The following SLCO4A1 variants were observed in gnomAD, a reference collection of about 807,000 sequenced individuals.
The protein encoded by SLCO4A1 is solute carrier organic anion transporter family member 4A1.
Under a neutral mutation model 64.6 loss-of-function variants are expected in SLCO4A1, and 51 were observed. That is an observed-to-expected ratio of 0.79 (90% CI 0.63 to 1.00). SLCO4A1 has a LOEUF of 1.00. SLCO4A1 is among the 50% of genes least tolerant of loss of function. The probability of loss-of-function intolerance (pLI) is 0.00; values close to 1 mark genes in which losing one functional copy is unlikely to be tolerated. For missense variants in SLCO4A1, 919 were observed against 980.5 expected (o/e 0.94, Z 0.84); for synonymous variants, 471 against 444.9 (o/e 1.06, Z -0.74).
At position 62,657,069 on chromosome 20, in the gene SLCO4A1, C is replaced by T. The variant is rs777425910; in HGVS notation, c.615C>T (p.Val205=). ...GRYEVELDAG[V]RTCPANPGAV... ...ATGAGGTGGAGTTGGACGCGGGTGT[C>T]AGGACGTGCCCTGCCAACCCCGGCG... is the stretch of plus-strand genomic sequence containing the variant. Residue 205 remains valine (V), a synonymous_variant, in exon 2 of 12, where the codon GTC becomes GTT. Transcript: ENST00000217159. 1.9e-6 allele frequency: 3 copies of T among 1,600,508 alleles called. No individual in the cohort carries two copies. The highest frequency in any genetic ancestry group is 2.6e-6 in the Non-Finnish European group (3 of 1,173,296).
chr20:62,668,498 A>T lies in SLCO4A1; in HGVS notation c.1833A>T (p.Arg611Ser). Residue 611 changes from arginine to serine, a missense_variant, in exon 10 of 12, where the codon AGA (arginine) becomes AGT (serine). Coordinates refer to ENST00000217159, the MANE Select transcript of SLCO4A1 (RefSeq NM_016354.4). ...GCAGATGTGTCCGTGACCCTCAGAGATCCTTTGCCCTGGGAATCCAGTGGA... is the reference window on the plus strand; with the variant it reads ...GCAGATGTGTCCGTGACCCTCAGAGTTCCTTTGCCCTGGGAATCCAGTGGA... ...ATLRCVRDPQRSFALGIQWIV... is the reference protein window; with the variant it reads ...ATLRCVRDPQSSFALGIQWIV... 6.2e-7 allele frequency: 1 copy of T among 1,613,854 alleles called. No homozygotes were observed. The highest frequency in any genetic ancestry group is 2.2e-5 in the East Asian group (1 of 44,866).
downstream of SLCO4A1, among the ~76,000 whole-genome samples, chr20:62,687,724 C>T (rs1035586859): frequency 2.0e-5 from 3 of 152,168 alleles, no homozygotes; most frequent in African/African-American, 4.8e-5. Flanking sequence ...CTCCTGGACA[C>T]GGAAGGACGA....
At chr20:62,689,160 G>A (rs942080766), downstream of SLCO4A1, among the ~76,000 whole-genome samples, 2 of 152,044 alleles carry the variant, frequency 1.3e-5, no homozygotes, top group Non-Finnish European at 2.9e-5. Flanking sequence ...GCTGTGCCCC[G>A]CGCCTCGTAG....
intron 3 of SLCO4A1, among the ~76,000 whole-genome samples, chr20:62,659,405 C>T (rs910443992): frequency 2.6e-5 from 4 of 152,186 alleles, no homozygotes; most frequent in Non-Finnish European, 5.9e-5. Flanking sequence ...GCCTGGGCAC[C>T]GCTGCACCTT....
chr20:62,662,183 A>G (rs934922598), intron 5 of SLCO4A1, among the ~76,000 whole-genome samples: 1 of 152,142 alleles, frequency 6.6e-6, no homozygotes, highest in South Asian at 2.1e-4. Context: ...TGTCCACGGC[A>G]GAGAGGAGCA....
At chr20:62,669,668 G>C (rs1986963972) in intron 11 of SLCO4A1, among the ~76,000 whole-genome samples, 1 of 152,162 alleles carries the variant, frequency 6.6e-6, no homozygotes, top group Non-Finnish European at 1.5e-5. Flanking sequence ...AAAGCACAAA[G>C]CCTTCTAAAT....
At chr20:62,671,175 G>A (rs888061256) in intron 11 of SLCO4A1, among the ~76,000 whole-genome samples, 6 of 152,240 alleles carry the variant, frequency 3.9e-5, no homozygotes, top group African/African-American at 7.2e-5. Context: ...GGTGGTGACC[G>A]GCGACTGGCT....
At chr20:62,669,572 CAG>C (rs1481465940) in intron 11 of SLCO4A1, among the ~76,000 whole-genome samples, 2 of 152,218 alleles carry the variant, frequency 1.3e-5, no homozygotes, top group Non-Finnish European at 2.9e-5. Context: ...TTCAAGCTAA[CAG>C]AAACTTTCTG....
At chr20:62,674,997 G>T (rs6011573), downstream of SLCO4A1, among the ~76,000 whole-genome samples, 1 of 152,174 alleles carries the variant, frequency 6.6e-6, no homozygotes, top group African/African-American at 2.4e-5. Context: ...GACGGAGGCT[G>T]TAGAGTTTCG....
intron 3 of SLCO4A1, among the ~76,000 whole-genome samples, chr20:62,659,739 G>A (rs1022367319): frequency 4.6e-5 from 7 of 152,218 alleles, no homozygotes; most frequent in African/African-American, 1.2e-4. Context: ...CGCTCCCTGT[G>A]TCCTCTGTCT....
chr20:62,689,727 C>CGGG (rs1988171713), downstream of SLCO4A1, among the ~76,000 whole-genome samples: 1 of 152,228 alleles, frequency 6.6e-6, no homozygotes, highest in African/African-American at 2.4e-5. Context: ...TAATAACTTG[C>CGGG]GGGGGCTCAG....
chr20:62,661,128 G>A lies in SLCO4A1; in HGVS notation c.1074G>A (p.Gly358=). The A allele has an allele frequency of 6.2e-7, 1 of 1,609,544 alleles. No homozygotes were observed. Among genetic ancestry groups the A allele is most frequent in the East Asian group, 2.2e-5 (1 of 44,604 alleles). Residue 358 remains glycine (G), a synonymous_variant, in exon 5 of 12, where the codon GGG becomes GGA. Transcript: ENST00000217159. The surrounding 1 kb of genome is among the most constrained non-coding windows in gnomAD (Gnocchi z 5.2). ...ACCAGTTGAAGGACAGCAGCCGTGG[G>A]GAGGCGAGCAACCCGGACTTTGGGA... The part of the protein sequence containing the change: ...EMHQLKDSSR[G]EASNPDFGKT...
chr20:62,680,868 T>C (rs1270612467), intron 2 of SLCO4A1, among the ~76,000 whole-genome samples: 2 of 152,216 alleles, frequency 1.3e-5, no homozygotes, highest in African/African-American at 4.8e-5. Flanking sequence ...GGTATATGGG[T>C]AATGCTGGCT....
At chr20:62,684,985 C>T (rs2147118453) in intron 2 of SLCO4A1, among the ~76,000 whole-genome samples, 1 of 152,318 alleles carries the variant, frequency 6.6e-6, no homozygotes, top group Middle Eastern at 3.4e-3. Context: ...CATGCACAGG[C>T]AGCCACGCCA....
downstream of SLCO4A1, among the ~76,000 whole-genome samples, chr20:62,677,276 A>G: frequency 6.6e-6 from 1 of 152,224 alleles, no homozygotes; most frequent in East Asian, 1.9e-4. Context: ...TAAAGGGTGA[A>G]TATTTGGGGA....
chr20:62,660,670 C>T (rs1382233672), intron 4 of SLCO4A1, 137 bp downstream of exon 4: 5 of 1,123,992 alleles, frequency 4.4e-6, no homozygotes, highest in Admixed American at 3.8e-5. Context: ...TCTCAGTGTT[C>T]TTCCCATCTG....
At chr20:62,655,329 T>C (rs11696226) in intron 1 of SLCO4A1, among the ~76,000 whole-genome samples, 3 of 117,788 alleles carry the variant, frequency 2.5e-5, no homozygotes, top group African/African-American at 5.8e-5. Context: ...ACAGGTGTTC[T>C]GTATCACAGC....
chr20:62,675,939 C>T (rs7261643), downstream of SLCO4A1, among the ~76,000 whole-genome samples: 28,904 of 152,058 alleles, frequency 0.19, 3,259 homozygotes, highest in East Asian at 0.41. Flanking sequence ...GGCAGGAGTC[C>T]TCCAAGCCCA....
At chr20:62,667,520 G>C in intron 7 of SLCO4A1, 2 of 583,442 alleles carry the variant, frequency 3.4e-6, no homozygotes, top group South Asian at 4.4e-5. Context: ...CGGTGCTGGG[G>C]GGCATGGGTG....
Sources: allele counts gnomAD v4.1 joint callset (sites outside exome capture counted in the v4.1 genomes callset), GRCh38; gene constraint gnomAD v4.1.1; non-coding constraint Gnocchi (gnomAD v3.1); transcripts MANE v1.5; gene names NCBI Gene and HGNC (gene_info 2026-07-23, HGNC 2026-07-21).